Variants in ZNF101 observed in about 807,000 individuals in gnomAD.
ZNF101 encodes the protein zinc finger protein 101 (Y2).
In ZNF101, 34 loss-of-function variants were observed where a neutral mutation model predicts 42.6. That is an observed-to-expected ratio of 0.80 (90% CI 0.61 to 1.06). The LOEUF (loss-of-function observed/expected upper bound fraction) is 1.06. Ranked by LOEUF, ZNF101 falls within the 50% of genes least tolerant of loss-of-function variation. ZNF101 has a pLI of 0.00. For synonymous variants in ZNF101, 158 were observed against 183.9 expected, an observed-to-expected ratio of 0.86 and a Z score of 1.14; for missense variants, 466 against 530.9, an observed-to-expected ratio of 0.88 and a Z score of 1.20.
At position 19,679,819 on chromosome 19, in the gene ZNF101, C is replaced by G. The variant is rs200382618; in HGVS notation, c.830C>G (p.Ala277Gly). Residue 277 changes from alanine (A) to glycine (G), a missense_variant, in exon 4 of 4, where the codon GCG becomes GGG. Transcript: ENST00000592502. Reference sequence around the variant, plus strand: ...CGGACACATGAAATCAGATCTCACGCGCTGGAGAAATCCCACCAATGTCAG... The same window carrying G: ...CGGACACATGAAATCAGATCTCACGGGCTGGAGAAATCCCACCAATGTCAG... The part of the protein sequence containing the change: ...YLRTHEIRSH[A>G]LEKSHQCQEC... The G allele has an allele frequency of 5.0e-6, 8 of 1,613,880 alleles. No homozygotes were observed. The Admixed American group carries it at 8.3e-5, about 17-fold the overall frequency.
intron 1 of ZNF101, among the ~76,000 whole-genome samples, chr19:19,674,294 A>G (rs563378311): frequency 5.9e-5 from 9 of 152,100 alleles, no homozygotes; most frequent in African/African-American, 1.9e-4. Flanking sequence ...CTCCTGCCTT[A>G]GCCTCTCGAG....
intron 1 of ZNF101, among the ~76,000 whole-genome samples, chr19:19,672,651 A>G (rs749541839): frequency 5.3e-5 from 8 of 151,806 alleles, no homozygotes; most frequent in Admixed American, 3.3e-4. Flanking sequence ...TCAGCCTCCC[A>G]AGTACCTGGG....
intron 2 of ZNF101, 99 bp from the exon 3 acceptor site, chr19:19,678,627 A>AG: frequency 9.2e-7 from 1 of 1,085,890 alleles, no homozygotes; most frequent in East Asian, 2.7e-5. Context: ...AAAAAAAAAA[A>AG]AAATCAGGCA....
intron 1 of ZNF101, 31 bp downstream of exon 1, chr19:19,668,997 C>T: frequency 1.9e-6 from 3 of 1,576,750 alleles, no homozygotes; most frequent in African/African-American, 1.3e-5. Context: ...GTCCGGAGAC[C>T]TGAGGAGGAG....
intron 1 of ZNF101, among the ~76,000 whole-genome samples, chr19:19,670,588 T>C (rs1404863242): frequency 6.6e-6 from 1 of 151,188 alleles, no homozygotes; most frequent in Non-Finnish European, 1.5e-5. Context: ...GAGACCCCAT[T>C]TCTACAACAA....
At chr19:19,674,422 C>G (rs184092164) in intron 1 of ZNF101, among the ~76,000 whole-genome samples, 1 of 151,954 alleles carries the variant, frequency 6.6e-6, no homozygotes, top group African/African-American at 2.4e-5. Flanking sequence ...GTGATCTACT[C>G]GCCTCGACCT....
chr19:19,673,111 AT>A (rs796328762), intron 1 of ZNF101, among the ~76,000 whole-genome samples: 42 of 145,960 alleles, frequency 2.9e-4, no homozygotes, highest in African/African-American at 3.8e-4. Flanking sequence ...CGCCTGGCTA[AT>A]TTTTTTTTTT....
Position 19,680,026 on chromosome 19 carries a change from C to T in ZNF101, c.1037C>T (p.Thr346Ile). 6.2e-7 allele frequency: 1 copy of T among 1,613,992 alleles called. No homozygotes were observed. Among genetic ancestry groups the T allele is most frequent in the African/African-American group, 1.3e-5 (1 of 75,000 alleles). Residue 346 changes from threonine to isoleucine, a missense_variant, in exon 4 of 4, where the codon ACC becomes ATC. By Grantham distance (89) the Thr-to-Ile change is moderately conservative. Coordinates refer to ENST00000592502, the MANE Select transcript of ZNF101 (RefSeq NM_033204.4). Reference protein sequence around the residue: ...RPYECNKCGKTFNYPSCFRRH... With the variant: ...RPYECNKCGKIFNYPSCFRRH... Reference sequence around the variant, plus strand: ...TATGAATGTAATAAATGTGGTAAAACCTTCAATTATCCCAGTTGTTTTCGA... The same window carrying T: ...TATGAATGTAATAAATGTGGTAAAATCTTCAATTATCCCAGTTGTTTTCGA...
intron 1 of ZNF101, among the ~76,000 whole-genome samples, chr19:19,670,101 A>C (rs1428575101): frequency 6.6e-6 from 1 of 152,072 alleles, no homozygotes. Flanking sequence ...CCTCGGAAGA[A>C]CGGGTGAAAA....
chr19:19,680,306 GC>G lies in ZNF101; in HGVS notation c.*8del. ...ACCTGAGCCCAGGAGTTTGAGACCA[GC>G]CTGGGCAACATAAGAAGGCCCCATA... On this transcript the variant is annotated 3_prime_UTR_variant, in exon 4 of 4. Coordinates refer to ENST00000592502, the MANE Select transcript of ZNF101 (RefSeq NM_033204.4). The G allele has an allele frequency of 6.9e-7, 1 of 1,450,166 alleles. No homozygotes were observed. The highest frequency in any genetic ancestry group is 1.4e-5 in the South Asian group (1 of 69,394). The allele number at this position is 1,450,166 out of a possible 1,614,324, so 89.8% of individuals were successfully genotyped here.
chr19:19,679,842 C>G lies in ZNF101; in HGVS notation c.853C>G (p.Gln285Glu). 2 of 1,614,006 alleles carry G rather than the reference C, an allele frequency of 1.2e-6. No homozygotes were observed. The highest frequency in any genetic ancestry group is 2.2e-5 in the South Asian group (2 of 91,072). ...SHALEKSHQC[Q>E]ECGKKLSCSS... ...CGCGCTGGAGAAATCCCACCAATGT[C>G]AGGAATGTGGGAAAAAACTCAGTTG... Residue 285 changes from glutamine to glutamate, a missense_variant, in exon 4 of 4, where the codon CAG becomes GAG. Coordinates refer to ENST00000592502, the MANE Select transcript of ZNF101 (RefSeq NM_033204.4).
At chr19:19,678,643 G>A (rs979201723) in intron 2 of ZNF101, 83 bp from the exon 3 acceptor site, 2 of 1,189,216 alleles carry the variant, frequency 1.7e-6, no homozygotes, top group Non-Finnish European at 2.3e-6. Context: ...AGGCATTGTG[G>A]CAGTGTTTAA....
Position 19,679,717 on chromosome 19 carries a change from A to T in ZNF101, c.728A>T (p.His243Leu). 1 of 1,614,186 alleles carries T rather than the reference A, an allele frequency of 6.2e-7. No homozygotes were observed. Residue 243 changes from histidine to leucine, a missense_variant, in exon 4 of 4, where the codon CAT (histidine) becomes CTT (leucine). Coordinates refer to ENST00000592502, the MANE Select transcript of ZNF101 (RefSeq NM_033204.4). ...GATTATCCCAGTTTATTTCAAATTC[A>T]TGTTAGAACTCACACTGGAGAAAAA... Reference protein sequence around the residue: ...PIDYPSLFQIHVRTHTGEKPY... With the variant: ...PIDYPSLFQILVRTHTGEKPY...
chr19:19,673,627 GT>G (rs1213670449), intron 1 of ZNF101, among the ~76,000 whole-genome samples: 2 of 139,152 alleles, frequency 1.4e-5, no homozygotes, highest in Non-Finnish European at 3.1e-5. Context: ...ACATTTTGTT[GT>G]TTTTAGTGTA....
chr19:19,674,435 C>T (rs548170381), intron 1 of ZNF101, among the ~76,000 whole-genome samples: 15 of 152,314 alleles, frequency 9.8e-5, no homozygotes, highest in East Asian at 1.9e-4. Flanking sequence ...CTCGACCTCC[C>T]GAAGTGCTGG....
rs1361988613 is a variant in ZNF101, at chr19:19,679,951, G to A, written c.962G>A (p.Cys321Tyr). 3 of 1,613,076 alleles carry A rather than the reference G, an allele frequency of 1.9e-6. No homozygotes were observed. Among genetic ancestry groups the A allele is most frequent in the South Asian group, 2.2e-5 (2 of 91,024 alleles). The change falls in exon 4 of 4, where the codon TGT (cysteine) becomes TAT (tyrosine). Residue 321 changes from cysteine to tyrosine, a missense_variant. Physicochemically the swap from Cys to Tyr is radical, Grantham distance 194. Coordinates refer to ENST00000592502, the MANE Select transcript of ZNF101 (RefSeq NM_033204.4). ...CAAAAATGTGCCAAAGTCTTTAGATGTCCCACGTCCCTTCAAGCACATGAA... is the reference window on the plus strand; with the variant it reads ...CAAAAATGTGCCAAAGTCTTTAGATATCCCACGTCCCTTCAAGCACATGAA... ...ECQKCAKVFR[C>Y]PTSLQAHERA...
rs770963375 is a variant in ZNF101 at position 19,679,959 on chromosome 19, T to C, written c.970T>C (p.Ser324Pro). ...KCAKVFRCPTSLQAHERAHTG... is the reference protein window; with the variant it reads ...KCAKVFRCPTPLQAHERAHTG... ...TGCCAAAGTCTTTAGATGTCCCACG[T>C]CCCTTCAAGCACATGAAAGAGCTCA... The change falls in exon 4 of 4, where the codon TCC (serine) becomes CCC (proline). Residue 324 changes from serine to proline, a missense_variant. Coordinates refer to ENST00000592502, the MANE Select transcript of ZNF101 (RefSeq NM_033204.4). The C allele has an allele frequency of 2.5e-6, 4 of 1,614,074 alleles. No individual in the cohort carries two copies. Among genetic ancestry groups the C allele is most frequent in the East Asian group, 2.2e-5 (1 of 44,884 alleles).
At chr19:19,668,808 C>T (rs1341791563), upstream of ZNF101, 3 of 943,880 alleles carry the variant, frequency 3.2e-6, no homozygotes, top group African/African-American at 1.7e-5. Flanking sequence ...CTTCCAAAGC[C>T]CGAAGCGGTC....
In ZNF101 at chr19:19,679,939, A is replaced by G. The variant is rs777924760; in HGVS notation, c.950A>G (p.Lys317Arg). ...CTCTACGAATGTCAAAAATGTGCCA[A>G]AGTCTTTAGATGTCCCACGTCCCTT... ...GKLYECQKCA[K>R]VFRCPTSLQA... Residue 317 changes from lysine (K) to arginine (R), a missense_variant, in exon 4 of 4, where the codon AAA (lysine) becomes AGA (arginine). Physicochemically the swap from Lys to Arg is conservative, Grantham distance 26. Transcript: ENST00000592502. The G allele has an allele frequency of 4.5e-5, 72 of 1,614,032 alleles. No individual in the cohort carries two copies. The highest frequency in any genetic ancestry group is 1.0e-4 in the Admixed American group (6 of 59,986).
Sources: gnomAD v4.1 joint callset for allele counts (sites outside exome capture counted in the v4.1 genomes callset) on GRCh38, gnomAD v4.1.1 for gene constraint, MANE v1.5 for transcripts, NCBI Gene and HGNC (gene_info 2026-07-23, HGNC 2026-07-21) for gene names.